The following ELAPOR2 variants were observed in gnomAD, a reference collection of about 807,000 sequenced individuals.
ELAPOR2 encodes the protein endosome/lysosome-associated apoptosis and autophagy regulator family member 2.
A neutral mutation model predicts 120.7 loss-of-function variants in ELAPOR2; 89 were observed. The ratio of observed to expected loss-of-function variants is 0.74; its 90% CI spans 0.62 to 0.88. The LOEUF (loss-of-function observed/expected upper bound fraction) is 0.88. Among genes scored for constraint, ELAPOR2 ranks in the 40% least tolerant of loss-of-function variants. The pLI is 0.00. For missense variants in ELAPOR2, 1,134 were observed against 1,251.6 expected (o/e 0.91, Z 1.42); for synonymous variants, 444 against 444.9 (o/e 1.00, Z 0.03).
chr7:86,976,001 G>GGAGAGGGGAAATGGGATCAGAAAGT (rs1156676599), intron 1 of ELAPOR2, among the ~76,000 whole-genome samples: 7 of 152,152 alleles, frequency 4.6e-5, no homozygotes, highest in African/African-American at 1.7e-4. Flanking sequence ...TGGAGTACTG[G>GGAGAGGGGAAATGGGATCAGAAAGT]GAGAGGGGAA....
intron 21 of ELAPOR2, among the ~76,000 whole-genome samples, chr7:86,882,415 C>A (rs191317827): frequency 6.6e-6 from 1 of 152,208 alleles, no homozygotes; most frequent in East Asian, 1.9e-4. Flanking sequence ...AGGCAGAGAC[C>A]TGTTGGTTAT....
chr7:86,910,100 C>A, intron 15 of ELAPOR2, 99 bp from the exon 16 acceptor site: 1 of 851,452 alleles, frequency 1.2e-6, no homozygotes, highest in Admixed American at 2.8e-5. Flanking sequence ...TGGCTCTCTC[C>A]TCACTGCAAG....
At chr7:86,984,442 A>C (rs1362414994) in intron 1 of ELAPOR2, among the ~76,000 whole-genome samples, 1 of 152,126 alleles carries the variant, frequency 6.6e-6, no homozygotes. Context: ...GAAGTAAAGC[A>C]CTCCTTGGCA....
intron 1 of ELAPOR2, among the ~76,000 whole-genome samples, chr7:87,058,099 T>C (rs1795317382): frequency 6.6e-6 from 1 of 152,266 alleles, no homozygotes; most frequent in Non-Finnish European, 1.5e-5. Flanking sequence ...AACATTGCTG[T>C]GTGTTCGCAC....
At chr7:87,035,297 A>C (rs1562978204) in intron 1 of ELAPOR2, among the ~76,000 whole-genome samples, 1 of 152,152 alleles carries the variant, frequency 6.6e-6, no homozygotes, top group East Asian at 1.9e-4. Context: ...CATCCAAAGA[A>C]GCAGCTCTGC....
Position 87,002,015 on chromosome 7 carries a change from T to C in ELAPOR2, c.190-36991A>G, listed in dbSNP as rs959517485. On this transcript the variant is annotated intron_variant, in intron 1 of 21. Coordinates refer to ENST00000450689, the MANE Select transcript of ELAPOR2 (RefSeq NM_001142749.3). Reference sequence around the variant, plus strand: ...GCTACAAGTCAATGCTGTTCTGCTATTGTGTCAGGTATGGCTGCAGAGTCT... The same window carrying C: ...GCTACAAGTCAATGCTGTTCTGCTACTGTGTCAGGTATGGCTGCAGAGTCT... 7.2e-5 allele frequency among the ~76,000 whole-genome samples: 11 copies of C among 152,264 alleles called. 1 individual carries two copies. Among genetic ancestry groups the C allele is most frequent in the African/African-American group, 2.6e-4 (11 of 41,556 alleles).
chr7:87,049,822 G>T (rs1795051651), intron 1 of ELAPOR2, among the ~76,000 whole-genome samples: 1 of 152,204 alleles, frequency 6.6e-6, no homozygotes, highest in South Asian at 2.1e-4. Flanking sequence ...GTCCGTGAAG[G>T]TTGATATGTT....
intron 1 of ELAPOR2, among the ~76,000 whole-genome samples, chr7:86,986,836 G>GA (rs1199365497): frequency 6.7e-6 from 1 of 149,840 alleles, no homozygotes; most frequent in Non-Finnish European, 1.5e-5. Flanking sequence ...CACAGAATTG[G>GA]AAAAAAACTA....
At chr7:87,037,963 T>C (rs1476401911) in intron 1 of ELAPOR2, among the ~76,000 whole-genome samples, 2 of 152,210 alleles carry the variant, frequency 1.3e-5, no homozygotes, top group Admixed American at 1.3e-4. Context: ...GCCCTGTGAA[T>C]GACTCCATCA....
At chr7:86,959,383 G>A (rs76404778) in intron 2 of ELAPOR2, among the ~76,000 whole-genome samples, 83 of 152,194 alleles carry the variant, frequency 5.5e-4, no homozygotes, top group Non-Finnish European at 7.8e-4. Context: ...GAAGGTGAAC[G>A]GGATCCTTGC....
intron 3 of ELAPOR2, among the ~76,000 whole-genome samples, chr7:86,947,105 A>G (rs576856000): frequency 7.2e-5 from 11 of 152,350 alleles, no homozygotes; most frequent in African/African-American, 2.6e-4. Flanking sequence ...GGGGGTAGCC[A>G]GAGCCCTAAA....
chr7:87,045,393 T>G (rs866577022), intron 1 of ELAPOR2, among the ~76,000 whole-genome samples: 1 of 149,756 alleles, frequency 6.7e-6, no homozygotes, highest in Non-Finnish European at 1.5e-5. Flanking sequence ...ATTAAGAAAA[T>G]GTGGCACATA....
chr7:87,012,367 G>A (rs1220507288), intron 1 of ELAPOR2, among the ~76,000 whole-genome samples: 2 of 152,132 alleles, frequency 1.3e-5, no homozygotes, highest in Admixed American at 1.3e-4. Context: ...CCGAGATTGT[G>A]CCATGACACT....
intron 1 of ELAPOR2, among the ~76,000 whole-genome samples, chr7:87,038,815 T>C (rs550244722): frequency 1.8e-4 from 28 of 152,110 alleles, no homozygotes; most frequent in African/African-American, 6.5e-4. Flanking sequence ...TTTATAGCTA[T>C]AAGTGTCTAC....
At chr7:86,889,761 T>C (rs1433410324) in intron 21 of ELAPOR2, among the ~76,000 whole-genome samples, 2 of 152,066 alleles carry the variant, frequency 1.3e-5, no homozygotes, top group African/African-American at 4.8e-5. Context: ...CTTCTGTATA[T>C]TGGGTTTCTG....
In ELAPOR2 at chr7:86,940,118, A is replaced by G. The variant is rs1584375042; in HGVS notation, c.742-3T>C. ...TTTGTGCCTGATTTCAGCATTACCT[A>G]TAAAGAGAAACATAAAGGCACTTAG... On this transcript the variant is annotated splice_region_variant and splice_polypyrimidine_tract_variant and intron_variant, in intron 5 of 21. Coordinates refer to ENST00000450689, the MANE Select transcript of ELAPOR2 (RefSeq NM_001142749.3). The G allele has an allele frequency of 1.3e-6, 2 of 1,598,822 alleles. No homozygotes were observed. The highest frequency in any genetic ancestry group is 2.2e-5 in the East Asian group (1 of 44,734).
intron 1 of ELAPOR2, among the ~76,000 whole-genome samples, chr7:87,012,278 C>T (rs1479923387): frequency 3.9e-5 from 6 of 152,008 alleles, no homozygotes; most frequent in African/African-American, 9.7e-5. Flanking sequence ...GGCATGGTGG[C>T]GCATGCCTGT....
At chr7:86,922,282 GT>G (rs1789867366) in intron 10 of ELAPOR2, among the ~76,000 whole-genome samples, 1 of 151,500 alleles carries the variant, frequency 6.6e-6, no homozygotes, top group African/African-American at 2.4e-5. Flanking sequence ...TTTAATAATG[GT>G]ATACATAATT....
chr7:86,998,634 C>T (rs1379606680), intron 1 of ELAPOR2, among the ~76,000 whole-genome samples: 4 of 152,094 alleles, frequency 2.6e-5, no homozygotes, highest in African/African-American at 7.2e-5. Context: ...AATTTCACCC[C>T]GGTCATGACA....
Sources: gnomAD v4.1 joint callset for allele counts (sites outside exome capture counted in the v4.1 genomes callset) on GRCh38, gnomAD v4.1.1 for gene constraint, MANE v1.5 for transcripts, NCBI Gene and HGNC (gene_info 2026-07-23, HGNC 2026-07-21) for gene names.